Variants in IRAK1 observed in about 807,000 individuals in gnomAD.
IRAK1 encodes the protein interleukin 1 receptor associated kinase 1, also known as interleukin-1 receptor-associated kinase 1.
A neutral mutation model predicts 49.8 loss-of-function variants in IRAK1; 9 were observed. That is an observed-to-expected ratio of 0.18 (90% CI 0.11 to 0.32). IRAK1 has a LOEUF of 0.32. IRAK1 is among the 10% of genes least tolerant of loss of function. The pLI is 1.00. For synonymous variants in IRAK1, 282 were observed against 270.8 expected, an observed-to-expected ratio of 1.04 and a Z score of -0.41; for missense variants, 418 against 600.5, an observed-to-expected ratio of 0.70 and a Z score of 3.18.
At chrX:154,017,107 C>T (rs1557129540) in intron 7 of IRAK1, 40 bp from the exon 8 acceptor site, 2 of 874,587 alleles carry the variant, frequency 2.3e-6, no homozygotes, top group South Asian at 2.0e-5. Context: ...TGCTGGATGG[C>T]CGTTCCTTGA....
intron 3 of IRAK1, 27 bp from the exon 4 acceptor site, chrX:154,019,105 G>A: frequency 8.3e-7 from 1 of 1,202,386 alleles, no homozygotes; most frequent in Non-Finnish European, 1.1e-6. Flanking sequence ...GTGAGAGGCA[G>A]GCAGAGACCA....
rs34112487 is a variant in IRAK1, at chrX:154,013,118, C to T, written c.1855G>A (p.Gly619Ser). 7.1e-5 allele frequency: 86 copies of T among 1,208,860 alleles called. 1 individual carries two copies. In the East Asian group the frequency reaches 1.9e-3, roughly 26 times the overall value. The change falls in exon 12 of 14, where the codon GGC becomes AGC. Residue 619 changes from glycine (G) to serine (S), a missense_variant. This residue lies in a region of IRAK1 where 377 missense variants were observed against 499.5 expected (regional missense o/e 0.75). Transcript: ENST00000369980. ...PLDPAPLREA[G>S]CPQGDTAGES... ...CCTGCCGTGTCCCCCTGAGGACAGC[C>T]GGCCTCCCTGAGGGGTGCTGGGTCC...
intron 11 of IRAK1, among the ~76,000 whole-genome samples, chrX:154,013,786 C>T (rs1395042592): frequency 1.8e-5 from 2 of 112,821 alleles, no homozygotes; most frequent in Admixed American, 9.3e-5. Context: ...TAGTGCAGTG[C>T]GCCCAGCAGG....
chrX:154,014,833 G>T (rs181848598), intron 10 of IRAK1, among the ~76,000 whole-genome samples: 3 of 111,992 alleles, frequency 2.7e-5, no homozygotes, highest in Admixed American at 1.9e-4. Context: ...AGAACCCTGG[G>T]ACCCGGTTTG....
chrX:154,018,581 C>A lies in IRAK1; in HGVS notation c.729+18G>T. 8.5e-7 allele frequency: 1 copy of A among 1,177,366 alleles called. No homozygotes were observed. Among genetic ancestry groups the A allele is most frequent in the Non-Finnish European group, 1.2e-6 (1 of 868,000 alleles). ...ATCTGATGGCCTTCCAGGGTCCCTG[C>A]CAGGGTGCGACACTCACCTCCTTCA... On this transcript the variant is annotated intron_variant, in intron 5 of 13. Coordinates refer to ENST00000369980, the MANE Select transcript of IRAK1 (RefSeq NM_001569.4).
intron 12 of IRAK1, 27 bp from the exon 13 acceptor site, chrX:154,012,705 C>T: frequency 9.2e-6 from 11 of 1,197,120 alleles, no homozygotes; most frequent in Non-Finnish European, 1.2e-5. Context: ...ACTCCCTTAG[C>T]CTCATGCTGT....
chrX:154,018,580 G>A lies in IRAK1; in HGVS notation c.729+19C>T, dbSNP rs1303129050. The A allele has an allele frequency of 4.3e-6, 5 of 1,172,987 alleles. No homozygotes were observed. Among genetic ancestry groups the A allele is most frequent in the Non-Finnish European group, 5.8e-6 (5 of 865,503 alleles). On this transcript the variant is annotated intron_variant, in intron 5 of 13. Coordinates refer to ENST00000369980, the MANE Select transcript of IRAK1 (RefSeq NM_001569.4). Reference sequence around the variant, plus strand: ...TATCTGATGGCCTTCCAGGGTCCCTGCCAGGGTGCGACACTCACCTCCTTC... The same window carrying A: ...TATCTGATGGCCTTCCAGGGTCCCTACCAGGGTGCGACACTCACCTCCTTC...
Position 154,012,656 on chromosome X carries a change from T to A in IRAK1, c.1953A>T (p.Ala651=), listed in dbSNP as rs902013124. 12 of 1,210,167 alleles carry A rather than the reference T, an allele frequency of 9.9e-6. No individual in the cohort carries two copies. The African/African-American group carries it at 1.9e-4, about 19-fold the overall frequency. ...TCTGCGGTGGCTCTGACGACGATGA[T>A]GCAGAGCTGCCAAGGGCCAGTCCTG... The part of the protein sequence containing the change: ...AVEGLALGSS[A]SSSSEPPQII... Residue 651 remains alanine (A), a synonymous_variant, in exon 13 of 14, where the codon GCA becomes GCT. Coordinates refer to ENST00000369980, the MANE Select transcript of IRAK1 (RefSeq NM_001569.4).
intron 5 of IRAK1, 71 bp from the exon 6 acceptor site, chrX:154,018,426 C>A: frequency 1.0e-6 from 1 of 994,990 alleles, no homozygotes; most frequent in African/African-American, 1.9e-5. Context: ...GAAGCGAAGG[C>A]CTTCGGGCCA....
In IRAK1 at chrX:154,013,427, C is replaced by T. The variant is rs782152214; in HGVS notation, c.1546G>A (p.Glu516Lys). The change falls in exon 12 of 14, where the codon GAG (glutamate) becomes AAG (lysine). Residue 516 changes from glutamate to lysine, a missense_variant. Glu to Lys is a moderately conservative substitution (Grantham distance 56). Transcript: ENST00000369980. ...KRRPPMTQVY[E>K]RLEKLQAVVA... ...ACTGCCTGCAGCTTCTCTAGCCTCT[C>T]GTACACCTGCAAGTGGAAAAGAGGG... 5.9e-6 allele frequency: 7 copies of T among 1,177,335 alleles called. No homozygotes were observed. Among genetic ancestry groups the T allele is most frequent in the South Asian group, 5.7e-5 (3 of 52,541 alleles).
At chrX:154,012,740 C>A in intron 12 of IRAK1, 62 bp from the exon 13 acceptor site, 1 of 1,115,385 alleles carries the variant, frequency 9.0e-7, no homozygotes, top group South Asian at 2.0e-5. Context: ...CAGCCTAGCA[C>A]CCTGCCTCCC....
rs1557128415 is a variant in IRAK1 at position 154,014,071 on chromosome X, G to A, written c.1510C>T (p.Arg504Trp). The change falls in exon 11 of 14, where the codon CGG becomes TGG. Residue 504 changes from arginine to tryptophan, a missense_variant. By Grantham distance (101) the Arg-to-Trp change is moderately radical. Around this residue, in one of 3 missense-constraint regions of IRAK1, gnomAD observed 377 missense variants for 499.5 expected, o/e 0.75. Coordinates refer to ENST00000369980, the MANE Select transcript of IRAK1 (RefSeq NM_001569.4). ...GTCATAGGAGGCCTCCTTTTGGCCC[G>A]GCGGTGCAGGCAGCAGCAGGCCAGC... is the stretch of plus-strand genomic sequence containing the variant. ...GQLACCCLHR[R>W]AKRRPPMTQV... 1 of 1,195,225 alleles carries A rather than the reference G, an allele frequency of 8.4e-7. No homozygotes were observed. Among genetic ancestry groups the A allele is most frequent in the Non-Finnish European group, 1.1e-6 (1 of 890,811 alleles).
At position 154,019,261 on chromosome X, in the gene IRAK1, G is replaced by A; in HGVS notation, c.372C>T (p.Pro124=). 4 of 1,203,886 alleles carry A rather than the reference G, an allele frequency of 3.3e-6. No homozygotes were observed. The highest frequency in any genetic ancestry group is 4.5e-6 in the Non-Finnish European group (4 of 891,200). Residue 124 remains proline (P), a synonymous_variant, in exon 3 of 14, where the codon CCC becomes CCT. Coordinates refer to ENST00000369980, the MANE Select transcript of IRAK1 (RefSeq NM_001569.4). ...GGGGGCTCCAGGCCTCGGCCTCGGC[G>A]GGTGCAGGGATGCTGCTGGGCCTCG... ...TAPRPSSIPA[P]AEAEAWSPRK...
At chrX:154,018,416 G>T in intron 5 of IRAK1, 61 bp from the exon 6 acceptor site, 2 of 1,030,724 alleles carry the variant, frequency 1.9e-6, no homozygotes, top group Non-Finnish European at 2.7e-6. Flanking sequence ...TGAGGCTCTC[G>T]AAGCGAAGGC....
Position 154,014,104 on chromosome X carries a change from G to C in IRAK1, c.1477C>G (p.Leu493Val), listed in dbSNP as rs782215156. The change falls in exon 11 of 14, where the codon CTG (leucine) becomes GTG (valine). Residue 493 changes from leucine to valine, a missense_variant. By Grantham distance (32) the Leu-to-Val change is conservative. Around this residue, in one of 3 missense-constraint regions of IRAK1, gnomAD observed 377 missense variants for 499.5 expected, o/e 0.75. Coordinates refer to ENST00000369980, the MANE Select transcript of IRAK1 (RefSeq NM_001569.4). Reference sequence around the variant, plus strand: ...AGGCAGCAGCAGGCCAGCTGGCCCAGGCCCAGGCCCAGCTCAGGTGGGCAG... The same window carrying C: ...AGGCAGCAGCAGGCCAGCTGGCCCACGCCCAGGCCCAGCTCAGGTGGGCAG... ...GPCPPELGLG[L>V]GQLACCCLHR... The C allele has an allele frequency of 7.5e-6, 9 of 1,192,652 alleles. No homozygotes were observed. In the East Asian group the frequency reaches 2.4e-4, roughly 32 times the overall value.
intron 7 of IRAK1, 94 bp from the exon 8 acceptor site, chrX:154,017,161 C>A: frequency 1.7e-6 from 1 of 576,128 alleles, no homozygotes; most frequent in South Asian, 2.4e-5. Flanking sequence ...CTGGAACAGC[C>A]ACTTCACTCT....
intron 4 of IRAK1, 66 bp downstream of exon 4, chrX:154,018,909 C>G: frequency 1.0e-6 from 1 of 986,988 alleles, no homozygotes; most frequent in Non-Finnish European, 1.4e-6. Context: ...GGGCTCTGCG[C>G]TACATCAAAG....
In IRAK1 at chrX:154,012,040, TTTTG is replaced by T. The variant is rs11465844; in HGVS notation, c.2081-127_2081-124del. On this transcript the variant is annotated intron_variant, in intron 13 of 13. Transcript: ENST00000369980. ...TGGGGCGTTCGTGGGAATTGAGGGTTTTTGTTTGTTTGTTCATTTGTTTTTGAGA... is the reference window on the plus strand; with the variant it reads ...TGGGGCGTTCGTGGGAATTGAGGGTTTTTGTTTGTTCATTTGTTTTTGAGA... The T allele has an allele frequency of 1.3e-3, 747 of 557,838 alleles. 5 individuals are homozygous for T. The African/African-American group carries it at 0.015, about 11-fold the overall frequency. 46.0% of individuals were successfully genotyped at this position (557,838 alleles called of 1,213,427 possible). A position where few individuals can be genotyped will look rare whatever the true frequency, so the allele number is the denominator to read the frequency against.
At chrX:154,017,350 C>T (rs782427439) in intron 7 of IRAK1, among the ~76,000 whole-genome samples, 9 of 112,617 alleles carry the variant, frequency 8.0e-5, no homozygotes, top group East Asian at 2.8e-4. Context: ...TCTCCCCAAA[C>T]GCAGCATGCA....
Sources: allele counts gnomAD v4.1 joint callset (sites outside exome capture counted in the v4.1 genomes callset), GRCh38; gene constraint gnomAD v4.1.1; regional missense constraint gnomAD v4.1.1; transcripts MANE v1.5; gene names NCBI Gene and HGNC (gene_info 2026-07-23, HGNC 2026-07-21).